The following GALNTL6 variants were observed in gnomAD, a reference collection of about 807,000 sequenced individuals.
GALNTL6 encodes polypeptide N-acetylgalactosaminyltransferase-like 6.
Under a neutral mutation model 73.7 loss-of-function variants are expected in GALNTL6, and 46 were observed. That is an observed-to-expected ratio of 0.62 (90% CI 0.49 to 0.80). The LOEUF (loss-of-function observed/expected upper bound fraction) is 0.80. Ranked by LOEUF, GALNTL6 falls within the 30% of genes least tolerant of loss-of-function variation. The probability of loss-of-function intolerance (pLI) is 0.00; values close to 1 mark genes in which losing one functional copy is unlikely to be tolerated. For synonymous variants in GALNTL6, 259 were observed against 263.7 expected (o/e 0.98, Z 0.17); for missense variants, 604 against 755.0 (o/e 0.80, Z 2.34).
chr4:172,140,731 T>C (rs565984969), intron 2 of GALNTL6, among the ~76,000 whole-genome samples: 2 of 152,172 alleles, frequency 1.3e-5, no homozygotes, highest in South Asian at 2.1e-4. Flanking sequence ...ATTCACTAGA[T>C]TGAATATTTA....
chr4:173,010,583 T>C (rs1450892127), intron 11 of GALNTL6, among the ~76,000 whole-genome samples: 1 of 151,004 alleles, frequency 6.6e-6, no homozygotes, highest in African/African-American at 2.5e-5. Flanking sequence ...GTTTTTTTTG[T>C]TGTTTTTTTT....
intron 2 of GALNTL6, among the ~76,000 whole-genome samples, chr4:171,861,669 A>G (rs895783081): frequency 1.3e-5 from 2 of 152,108 alleles, no homozygotes; most frequent in Admixed American, 6.6e-5. Flanking sequence ...ACTTACCTAT[A>G]TTATTATTTA....
chr4:172,412,035 T>C (rs942212361), intron 5 of GALNTL6, among the ~76,000 whole-genome samples: 1 of 151,816 alleles, frequency 6.6e-6, no homozygotes, highest in East Asian at 1.9e-4. Flanking sequence ...ATTATATATT[T>C]ATTTATTTTT....
intron 9 of GALNTL6, among the ~76,000 whole-genome samples, chr4:172,942,247 G>C (rs946819012): frequency 6.6e-6 from 1 of 152,154 alleles, no homozygotes; most frequent in Non-Finnish European, 1.5e-5. Flanking sequence ...TGGGCATTTA[G>C]AAACATGGGG....
chr4:172,107,936 G>A (rs917974690), intron 2 of GALNTL6, among the ~76,000 whole-genome samples: 6 of 151,922 alleles, frequency 3.9e-5, no homozygotes, highest in Admixed American at 6.6e-5. Flanking sequence ...ATCTTTCTCA[G>A]AATAGTAACA....
intron 5 of GALNTL6, among the ~76,000 whole-genome samples, chr4:172,744,962 T>C (rs1014259149): frequency 6.6e-6 from 1 of 152,070 alleles, no homozygotes; most frequent in Admixed American, 6.6e-5. Context: ...CAATATTGTT[T>C]CATGTTATTT....
At chr4:171,931,276 G>C (rs1738176542) in intron 2 of GALNTL6, among the ~76,000 whole-genome samples, 1 of 152,020 alleles carries the variant, frequency 6.6e-6, no homozygotes, top group Admixed American at 6.6e-5. Flanking sequence ...TGAACTCCTG[G>C]CCTCAAGCAA....
At chr4:172,410,975 C>T (rs1229536652) in intron 5 of GALNTL6, among the ~76,000 whole-genome samples, 1 of 152,036 alleles carries the variant, frequency 6.6e-6, no homozygotes, top group Non-Finnish European at 1.5e-5. Flanking sequence ...TCACTTTAGG[C>T]AAAACAAGCC....
Position 172,877,599 on chromosome 4 carries a change from A to G in GALNTL6, c.924-5191A>G, listed in dbSNP as rs1205187692. Among the ~76,000 whole-genome samples, 2 of 151,984 alleles carry G rather than the reference A, an allele frequency of 1.3e-5. 1 individual carries two copies. Among genetic ancestry groups the G allele is most frequent in the South Asian group, 4.1e-4 (2 of 4,832 alleles). On this transcript the variant is annotated intron_variant, in intron 7 of 12. Transcript: ENST00000506823. ...GTTTAGAATATAAAAATTGCTATAG[A>G]AAAGTAAACTAGTCTACCATATGAG... is the stretch of plus-strand genomic sequence containing the variant.
chr4:172,036,704 A>T (rs962277446), intron 2 of GALNTL6, among the ~76,000 whole-genome samples: 1 of 152,130 alleles, frequency 6.6e-6, no homozygotes, highest in Non-Finnish European at 1.5e-5. Flanking sequence ...ATAGTCGTAT[A>T]GCCTGAACTC....
intron 4 of GALNTL6, among the ~76,000 whole-genome samples, chr4:172,329,640 G>T (rs538659690): frequency 4.6e-5 from 7 of 152,166 alleles, no homozygotes; most frequent in Non-Finnish European, 7.3e-5. Context: ...TGAAAAAGCA[G>T]TCTGGCCACT....
At chr4:171,856,630 G>A (rs1005360905) in intron 2 of GALNTL6, among the ~76,000 whole-genome samples, 24 of 151,880 alleles carry the variant, frequency 1.6e-4, no homozygotes, top group Admixed American at 5.2e-4. Flanking sequence ...TATTTTTTTC[G>A]TTTGCTTTCT....
intron 3 of GALNTL6, among the ~76,000 whole-genome samples, chr4:172,296,885 G>A (rs1350687059): frequency 6.6e-6 from 1 of 152,108 alleles, no homozygotes; most frequent in Admixed American, 6.5e-5. Context: ...CCCAGTAATG[G>A]GATTGCTGGG....
chr4:171,995,428 CAT>C lies in GALNTL6; in HGVS notation c.138+180714_138+180715del, dbSNP rs758147288. Among the ~76,000 whole-genome samples, 10 of 152,010 alleles carry C rather than the reference CAT, an allele frequency of 6.6e-5. No individual in the cohort carries two copies. The South Asian group carries it at 1.2e-3, about 19-fold the overall frequency. ...TTTATTTTACCGAAACTGAAGAAAACATATAATAAATTATTCTGTACAGAATT... is the reference window on the plus strand; with the variant it reads ...TTTATTTTACCGAAACTGAAGAAAACATAATAAATTATTCTGTACAGAATT... On this transcript the variant is annotated intron_variant, in intron 2 of 12. Coordinates refer to ENST00000506823, the MANE Select transcript of GALNTL6 (RefSeq NM_001034845.3).
chr4:171,956,045 C>A (rs988687885), intron 2 of GALNTL6, among the ~76,000 whole-genome samples: 1 of 151,862 alleles, frequency 6.6e-6, no homozygotes, highest in Non-Finnish European at 1.5e-5. Context: ...ACCTGTCACC[C>A]AGGCTGAAGT....
intron 5 of GALNTL6, among the ~76,000 whole-genome samples, chr4:172,443,715 A>G (rs911502205): frequency 2.0e-5 from 3 of 152,184 alleles, no homozygotes; most frequent in African/African-American, 7.2e-5. Context: ...GTTTTATGCT[A>G]TTTTTAGTAT....
Position 173,028,197 on chromosome 4 carries a change from A to T in GALNTL6, c.1638+6572A>T, listed in dbSNP as rs78196145. ...CATGGAAAATGTAAGGGACAAGAATAGCTAAGAAAATCTTGAAGAAGGAAA... is the reference window on the plus strand; with the variant it reads ...CATGGAAAATGTAAGGGACAAGAATTGCTAAGAAAATCTTGAAGAAGGAAA... On this transcript the variant is annotated intron_variant, in intron 12 of 12. Transcript: ENST00000506823. 6.1e-3 allele frequency among the ~76,000 whole-genome samples: 922 copies of T among 152,342 alleles called. 13 individuals carry two copies. Among genetic ancestry groups the T allele is most frequent in the African/African-American group, 0.02 (846 of 41,580 alleles).
intron 2 of GALNTL6, among the ~76,000 whole-genome samples, chr4:172,141,919 C>T (rs540685531): frequency 2.7e-5 from 4 of 150,796 alleles, no homozygotes; most frequent in African/African-American, 7.3e-5. Context: ...ACACCCCCCA[C>T]ACTCATTCCT....
intron 7 of GALNTL6, among the ~76,000 whole-genome samples, chr4:172,879,661 T>C (rs1052295485): frequency 6.6e-6 from 1 of 151,924 alleles, no homozygotes; most frequent in African/African-American, 2.4e-5. Flanking sequence ...TAAACACCTA[T>C]ATTAGAAAAA....
Sources: allele counts gnomAD v4.1 joint callset (sites outside exome capture counted in the v4.1 genomes callset), GRCh38; gene constraint gnomAD v4.1.1; transcripts MANE v1.5; gene names NCBI Gene and HGNC (gene_info 2026-07-23, HGNC 2026-07-21).